Variants in DMD observed in about 807,000 individuals in gnomAD.
DMD encodes dystrophin, also known as mutant dystrophin.
In DMD, 63 loss-of-function variants were observed where a neutral mutation model predicts 330.1. The observed-to-expected ratio is 0.19, with a 90% CI of 0.16 to 0.24. The LOEUF is 0.24. Ranked by LOEUF, DMD falls within the 10% of genes least tolerant of loss-of-function variation. The pLI is 1.00. For synonymous variants in DMD, 1,223 were observed against 959.8 expected, an observed-to-expected ratio of 1.27 and a Z score of -5.07; for missense variants, 3,344 against 2,684.1, an observed-to-expected ratio of 1.25 and a Z score of -5.43.
At position 32,506,717 on chromosome X, in the gene DMD, C is replaced by A. The variant is rs780668670; in HGVS notation, c.2293-4875G>T. On this transcript the variant is annotated intron_variant, in intron 18 of 78. Transcript: ENST00000357033. ...CATTCCACTTGAAAATTTCAAAGCA[C>A]CCAGTTTGTGGTATTTTGTGATTTT... Among the ~76,000 whole-genome samples the A allele has an allele frequency of 9.0e-5, 10 of 111,423 alleles. No homozygotes were observed. In the South Asian group the frequency reaches 2.6e-3, roughly 29 times the overall value.
chrX:32,701,562 G>A (rs756144327), intron 7 of DMD, among the ~76,000 whole-genome samples: 5 of 111,020 alleles, frequency 4.5e-5, no homozygotes, highest in Middle Eastern at 4.7e-3. Context: ...ATACTTCACC[G>A]TATCTTGAAA....
chrX:32,838,599 A>G (rs1388457657), intron 4 of DMD, among the ~76,000 whole-genome samples: 1 of 112,033 alleles, frequency 8.9e-6, no homozygotes, highest in Non-Finnish European at 1.9e-5. Context: ...ATGGCTGCAT[A>G]GTATTCCATG....
intron 1 of DMD, among the ~76,000 whole-genome samples, chrX:33,317,959 G>A (rs1365847197): frequency 1.8e-5 from 2 of 111,511 alleles, no homozygotes; most frequent in Admixed American, 1.9e-4. Context: ...TCTGATTTCA[G>A]TAAAGGAGCA....
chrX:33,322,048 A>G (rs930176002), intron 1 of DMD, among the ~76,000 whole-genome samples: 3 of 111,868 alleles, frequency 2.7e-5, no homozygotes, highest in Non-Finnish European at 3.8e-5. Context: ...TGTCTAGACC[A>G]TTTAAATTTT....
chrX:32,282,672 T>A (rs138047895), intron 43 of DMD, among the ~76,000 whole-genome samples: 5,803 of 112,231 alleles, frequency 0.052, 391 homozygotes, highest in African/African-American at 0.18. Flanking sequence ...TTTTTAAATA[T>A]CTTCCTGTTC....
intron 1 of DMD, among the ~76,000 whole-genome samples, chrX:33,071,223 G>T (rs146212304): frequency 2.1e-3 from 229 of 110,189 alleles, no homozygotes; most frequent in African/African-American, 7.4e-3. Context: ...AGGCCGAGGT[G>T]GCAGATGACT....
At chrX:32,205,025 ACACACACACACACACACC>A (rs1242750769) in intron 44 of DMD, among the ~76,000 whole-genome samples, 1 of 83,005 alleles carries the variant, frequency 1.2e-5, no homozygotes, top group African/African-American at 4.4e-5. Flanking sequence ...ACACACACAC[ACACACACACACACACACC>A]CACACACACA....
intron 49 of DMD, among the ~76,000 whole-genome samples, chrX:31,829,852 T>A (rs978966029): frequency 8.9e-6 from 1 of 112,251 alleles, no homozygotes; most frequent in African/African-American, 3.2e-5. Flanking sequence ...AACATCTATG[T>A]CTCTTTGTCT....
At position 31,892,605 on chromosome X, in the gene DMD, GTACA is replaced by G. The variant is rs201742567; in HGVS notation, c.6913-17236_6913-17233del. 5.0e-3 allele frequency among the ~76,000 whole-genome samples: 564 copies of G among 111,926 alleles called. 3 individuals carry two copies. Among genetic ancestry groups the G allele is most frequent in the African/African-American group, 0.016 (497 of 30,861 alleles). On this transcript the variant is annotated intron_variant, in intron 47 of 78. Transcript: ENST00000357033. The stretch of plus-strand genomic sequence containing the variant: ...GTGTGTACCTACACAAACCTAGGTG[GTACA>G]TATAGCCTACTACACACCTAGGCTA...
chrX:31,864,180 C>T lies in DMD; in HGVS notation c.7098+11008G>A, dbSNP rs757481267. On this transcript the variant is annotated intron_variant, in intron 48 of 78. Transcript: ENST00000357033. Reference sequence around the variant, plus strand: ...TATAAATACAATGGTCTGAATGCCACTATAATAGAGGTTCTTTGAAGCCCT... The same window carrying T: ...TATAAATACAATGGTCTGAATGCCATTATAATAGAGGTTCTTTGAAGCCCT... Among the ~76,000 whole-genome samples, 140 of 111,154 alleles carry T rather than the reference C, an allele frequency of 1.3e-3. 1 individual carries two copies. The highest frequency in any genetic ancestry group is 1.9e-3 in the Non-Finnish European group (101 of 53,009).
At chrX:32,336,136 T>C (rs1446525533) in intron 41 of DMD, among the ~76,000 whole-genome samples, 1 of 109,519 alleles carries the variant, frequency 9.1e-6, no homozygotes, top group African/African-American at 3.4e-5. Context: ...AACATGTGCA[T>C]ACGTGTATAA....
At chrX:32,774,722 T>C (rs765967296) in intron 7 of DMD, among the ~76,000 whole-genome samples, 2 of 110,888 alleles carry the variant, frequency 1.8e-5, no homozygotes, top group African/African-American at 6.6e-5. Context: ...CCTTGACACG[T>C]GGGGATTACA....
At chrX:32,812,349 T>G (rs1199941796) in intron 6 of DMD, among the ~76,000 whole-genome samples, 1 of 112,354 alleles carries the variant, frequency 8.9e-6, no homozygotes, top group Admixed American at 9.4e-5. Context: ...TAATTCAAAA[T>G]TGGCCAGGCG....
chrX:31,182,940 AG>A, intron 67 of DMD, 36 bp from the exon 68 acceptor site: 2 of 1,145,306 alleles, frequency 1.7e-6, no homozygotes. Flanking sequence ...GGAGGGCAAA[AG>A]GATGAAAGGA....
At chrX:33,149,586 C>A (rs1023075482) in intron 1 of DMD, among the ~76,000 whole-genome samples, 3 of 111,468 alleles carry the variant, frequency 2.7e-5, no homozygotes, top group Non-Finnish European at 5.7e-5. Context: ...TTATATTTTC[C>A]GTCTTTTGTA....
At chrX:32,909,494 T>C (rs1407052026) in intron 2 of DMD, among the ~76,000 whole-genome samples, 1 of 111,559 alleles carries the variant, frequency 9.0e-6, no homozygotes, top group Non-Finnish European at 1.9e-5. Flanking sequence ...CACATATAGT[T>C]AACATAATAT....
chrX:33,216,947 G>T (rs1300043649), intron 1 of DMD, among the ~76,000 whole-genome samples: 2 of 111,092 alleles, frequency 1.8e-5, no homozygotes, highest in African/African-American at 3.3e-5. Flanking sequence ...GGAAGTGCAG[G>T]GTCATTTTCC....
intron 44 of DMD, among the ~76,000 whole-genome samples, chrX:32,140,741 C>T (rs1257490703): frequency 9.0e-6 from 1 of 110,937 alleles, no homozygotes; most frequent in African/African-American, 3.3e-5. Flanking sequence ...AGCAGAAACC[C>T]CTGATAAAAC....
chrX:32,806,593 C>T (rs1312038763), intron 7 of DMD, among the ~76,000 whole-genome samples: 1 of 111,504 alleles, frequency 9.0e-6, no homozygotes, highest in African/African-American at 3.3e-5. Flanking sequence ...ACCAAGTGGA[C>T]CTCACAGACA....
Sources: allele counts gnomAD v4.1 joint callset (sites outside exome capture counted in the v4.1 genomes callset), GRCh38; gene constraint gnomAD v4.1.1; transcripts MANE v1.5; gene names NCBI Gene and HGNC (gene_info 2026-07-23, HGNC 2026-07-21).